Variants in SATB2 observed in about 807,000 individuals in gnomAD.
SATB2 encodes the protein SATB homeobox 2, also known as DNA-binding protein SATB2.
Under a neutral mutation model 73.4 loss-of-function variants are expected in SATB2, and 1 was observed. That is an observed-to-expected ratio of 0.01 (90% CI 0.00 to 0.06). The LOEUF is 0.06. SATB2 is among the 10% of genes least tolerant of loss of function. The pLI is 1.00. For synonymous variants in SATB2, 397 were observed against 367.0 expected (o/e 1.08, Z -0.93); for missense variants, 459 against 945.8 (o/e 0.49, Z 6.75).
At chr2:199,404,241 G>A (rs780034052) in intron 3 of SATB2, among the ~76,000 whole-genome samples, 1 of 152,150 alleles carries the variant, frequency 6.6e-6, no homozygotes, top group South Asian at 2.1e-4. Context: ...CCATCATGGC[G>A]GCCAGCACTC....
chr2:199,413,857 T>C (rs779857386), intron 3 of SATB2, among the ~76,000 whole-genome samples: 4 of 152,100 alleles, frequency 2.6e-5, no homozygotes, highest in Admixed American at 6.6e-5. Context: ...GGCGGCATTG[T>C]GAAGATGCTG....
chr2:199,356,650 G>A (rs1212524515), intron 6 of SATB2, among the ~76,000 whole-genome samples: 1 of 152,190 alleles, frequency 6.6e-6, no homozygotes, highest in Non-Finnish European at 1.5e-5. Context: ...CTCTCGCCTC[G>A]TAATAAGAAA....
intron 3 of SATB2, chr2:199,397,883 C>T (rs1288198217): frequency 3.4e-6 from 1 of 292,576 alleles, no homozygotes; most frequent in Non-Finnish European, 7.0e-6. Context: ...AACAAACAAA[C>T]AAAACAGAAA....
intron 5 of SATB2, among the ~76,000 whole-genome samples, chr2:199,373,478 G>C (rs1222781399): frequency 6.6e-6 from 1 of 152,046 alleles, no homozygotes; most frequent in Non-Finnish European, 1.5e-5. Flanking sequence ...CATTTTAAGG[G>C]AAAGAAACAC....
At chr2:199,317,120 T>C (rs1214422561) in intron 9 of SATB2, among the ~76,000 whole-genome samples, 1 of 151,892 alleles carries the variant, frequency 6.6e-6, no homozygotes, top group East Asian at 1.9e-4. Flanking sequence ...GGAGTAAAAC[T>C]TTTTTTAAAG....
intron 10 of SATB2, among the ~76,000 whole-genome samples, chr2:199,283,026 T>C (rs753197397): frequency 2.7e-4 from 41 of 152,122 alleles, no homozygotes; most frequent in Non-Finnish European, 5.1e-4. Context: ...AATAGGCCCA[T>C]GCCATCAAAA....
intron 3 of SATB2, among the ~76,000 whole-genome samples, chr2:199,384,937 G>T (rs909473131): frequency 6.6e-6 from 1 of 152,112 alleles, no homozygotes; most frequent in Non-Finnish European, 1.5e-5. Context: ...TGACTCAAAA[G>T]ATTTTTGATG....
At chr2:199,431,166 T>C (rs929031962) in intron 3 of SATB2, among the ~76,000 whole-genome samples, 4 of 152,210 alleles carry the variant, frequency 2.6e-5, no homozygotes, top group Non-Finnish European at 5.9e-5. Flanking sequence ...AAAAGTCATA[T>C]TTTGTTCTAC....
chr2:199,331,711 C>T (rs544851009), intron 7 of SATB2, among the ~76,000 whole-genome samples: 1 of 152,154 alleles, frequency 6.6e-6, no homozygotes, highest in African/African-American at 2.4e-5. Context: ...CCAAATTCTG[C>T]ATGCTTATAA....
chr2:199,367,039 CTCTTA>C (rs1370785933), intron 6 of SATB2, among the ~76,000 whole-genome samples: 1 of 152,100 alleles, frequency 6.6e-6, no homozygotes, highest in African/African-American at 2.4e-5. Flanking sequence ...CTCTTACTTT[CTCTTA>C]TAACAGCAAG....
chr2:199,376,241 C>A (rs1574562502), intron 5 of SATB2, among the ~76,000 whole-genome samples: 1 of 152,182 alleles, frequency 6.6e-6, no homozygotes, highest in East Asian at 1.9e-4. Context: ...CCCTGTTTAA[C>A]CGAAATGTGC....
At position 199,323,956 on chromosome 2, in the gene SATB2, G is replaced by T. The variant is rs1687963286; in HGVS notation, c.1389C>A (p.Ala463=). The change falls in exon 9 of 11, where the codon GCC becomes GCA. Residue 463 remains alanine (A), a splice_region_variant and synonymous_variant. Transcript: ENST00000417098. The stretch of plus-strand genomic sequence containing the variant: ...GGTCTGTTGTCGGTGTCGAGGTTTT[G>T]GCCTACCAAGAGACCATGAAAATAA... ...SSPSSSRTPQ[A]KTSTPTTDLP... 6.2e-7 allele frequency: 1 copy of T among 1,612,990 alleles called. No individual in the cohort carries two copies. Among genetic ancestry groups the T allele is most frequent in the African/African-American group, 1.3e-5 (1 of 74,766 alleles).
intron 7 of SATB2, among the ~76,000 whole-genome samples, chr2:199,331,361 GAA>G (rs1455048844): frequency 1.3e-5 from 2 of 152,024 alleles, no homozygotes; most frequent in Non-Finnish European, 2.9e-5. Context: ...TTTCTGAGGT[GAA>G]AGAGACACAA....
chr2:199,456,109 TGG>T lies in SATB2; in HGVS notation c.-59-15_-59-14del. ...AACGCACAGGGACCTAGGGAGGGGG[TGG>T]GGGGAGGAAGGGGGAGGGAGAAAAA... On this transcript the variant is annotated splice_polypyrimidine_tract_variant and intron_variant, in intron 1 of 10. Transcript: ENST00000417098. 7.7e-6 allele frequency: 1 copy of T among 129,924 alleles called. No individual in the cohort carries two copies. Among genetic ancestry groups the T allele is most frequent in the South Asian group, 3.5e-5 (1 of 28,606 alleles). 8.0% of individuals were successfully genotyped at this position (129,924 alleles called of 1,614,324 possible).
intron 10 of SATB2, among the ~76,000 whole-genome samples, chr2:199,285,680 T>C (rs1692662612): frequency 6.6e-6 from 1 of 151,770 alleles, no homozygotes; most frequent in African/African-American, 2.4e-5. Flanking sequence ...GTTGGTTCTC[T>C]TTTACAATTG....
chr2:199,355,130 G>A (rs1688931945), intron 6 of SATB2, among the ~76,000 whole-genome samples: 1 of 150,550 alleles, frequency 6.6e-6, no homozygotes, highest in Non-Finnish European at 1.5e-5. Context: ...TATATTTTAG[G>A]TTGTTACAAG....
intron 6 of SATB2, among the ~76,000 whole-genome samples, chr2:199,361,573 G>A (rs1689138528): frequency 6.6e-6 from 1 of 151,500 alleles, no homozygotes; most frequent in South Asian, 2.1e-4. Flanking sequence ...TTCAGATGGT[G>A]TCTAGGGGAA....
At chr2:199,356,009 T>C (rs1458069889) in intron 6 of SATB2, among the ~76,000 whole-genome samples, 2 of 152,080 alleles carry the variant, frequency 1.3e-5, no homozygotes, top group African/African-American at 2.4e-5. Context: ...GGTTTGTCCA[T>C]AGTTATAATG....
intron 10 of SATB2, among the ~76,000 whole-genome samples, chr2:199,285,844 A>T (rs1043258505): frequency 2.0e-5 from 3 of 151,530 alleles, no homozygotes; most frequent in Non-Finnish European, 2.9e-5. Flanking sequence ...TCTGACATGG[A>T]AATATGTGTT....
Sources: allele counts gnomAD v4.1 joint callset (sites outside exome capture counted in the v4.1 genomes callset), GRCh38; gene constraint gnomAD v4.1.1; transcripts MANE v1.5; gene names NCBI Gene and HGNC (gene_info 2026-07-23, HGNC 2026-07-21).